KHSRP: variants seen among roughly 807,000 people sequenced by gnomAD.
KHSRP encodes far upstream element-binding protein 2.
KHSRP carries 13 observed loss-of-function variants against 94.9 expected under a neutral mutation model. That is an observed-to-expected ratio of 0.14 (90% CI 0.09 to 0.22). The LOEUF is 0.22. Among genes scored for constraint, KHSRP ranks in the 10% least tolerant of loss-of-function variants. KHSRP has a pLI of 1.00. For synonymous variants in KHSRP, 495 were observed against 401.4 expected (o/e 1.23, Z -2.79); for missense variants, 710 against 1,010.0 (o/e 0.70, Z 4.03).
chr19:6,413,932 G>T lies in KHSRP; in HGVS notation c.*1092C>A. On this transcript the variant is annotated 3_prime_UTR_variant, in exon 19 of 19. Coordinates refer to ENST00000600480, the MANE Select transcript of KHSRP (RefSeq NM_001366299.1). Reference sequence around the variant, plus strand: ...AAAAAGCATGTGAGACACAGAACAGGCGAGAGAGTGAGGGCCCGGCATGCC... The same window carrying T: ...AAAAAGCATGTGAGACACAGAACAGTCGAGAGAGTGAGGGCCCGGCATGCC... The T allele has an allele frequency of 1.4e-6, 1 of 719,456 alleles. No individual in the cohort carries two copies. The highest frequency in any genetic ancestry group is 2.2e-6 in the Non-Finnish European group (1 of 463,644). 44.6% of individuals were successfully genotyped at this position (719,456 alleles called of 1,614,324 possible).
chr19:6,419,130 T>C, intron 7 of KHSRP, 73 bp downstream of exon 7: 22 of 1,451,286 alleles, frequency 1.5e-5, no homozygotes, highest in Non-Finnish European at 2.0e-5. Flanking sequence ...TGCTCCCAAC[T>C]TTCAATTCAA....
intron 2 of KHSRP, 43 bp downstream of exon 2, chr19:6,422,297 C>T (rs773151597): frequency 2.1e-6 from 3 of 1,402,026 alleles, no homozygotes; most frequent in East Asian, 4.6e-5. Context: ...TCTTTAGGCC[C>T]CCAGCCCTTC....
Position 6,418,163 on chromosome 19 carries a change from T to C in KHSRP, c.880-84A>G. 3.2e-6 allele frequency: 4 copies of C among 1,234,476 alleles called. No homozygotes were observed. Among genetic ancestry groups the C allele is most frequent in the Non-Finnish European group, 3.5e-6 (3 of 850,466 alleles). The allele number at this position is 1,234,476 out of a possible 1,614,324, so 76.5% of individuals were successfully genotyped here. On this transcript the variant is annotated intron_variant, in intron 9 of 18. Coordinates refer to ENST00000600480, the MANE Select transcript of KHSRP (RefSeq NM_001366299.1). This position sits in a 1 kb window ranked among gnomAD's most constrained non-coding sequence, Gnocchi z 4.3. ...CCTCCTCGGGGGTGCGGGCCTCAAC[T>C]AAGGACCCACGAACCCTGGGTGAGC...
intron 3 of KHSRP, 78 bp from the exon 4 acceptor site, chr19:6,421,395 G>C: frequency 6.9e-7 from 1 of 1,448,880 alleles, no homozygotes; most frequent in Non-Finnish European, 9.5e-7. Context: ...CGGGTCAGTG[G>C]GAGCTGAGCC....
At position 6,421,285 on chromosome 19, in the gene KHSRP, G is replaced by T. The variant is rs201437798; in HGVS notation, c.418C>A (p.Pro140Thr). 1.3e-3 allele frequency: 2,032 copies of T among 1,588,980 alleles called. 3 individuals are homozygous for T. The highest frequency in any genetic ancestry group is 1.6e-3 in the Non-Finnish European group (1,864 of 1,168,036). The change falls in exon 4 of 19, where the codon CCC becomes ACC. Residue 140 changes from proline to threonine, a missense_variant. Physicochemically the swap from Pro to Thr is conservative, Grantham distance 38 (BLOSUM62 -1). This residue lies in a region of KHSRP where 288 missense variants were observed against 501.1 expected (regional missense o/e 0.57). Coordinates refer to ENST00000600480, the MANE Select transcript of KHSRP (RefSeq NM_001366299.1). ...ISSQLGPIHP[P>T]PRTSMTEEYR... The stretch of plus-strand genomic sequence containing the variant: ...GGCCCCACCATGGCTTACCTTGGGG[G>T]AGGATGGATGGGTCCAAGTTGAGAA...
At chr19:6,417,691 AG>A in intron 11 of KHSRP, 47 bp downstream of exon 11, 1 of 1,529,842 alleles carries the variant, frequency 6.5e-7, no homozygotes, top group South Asian at 1.1e-5. Context: ...TGCCTCCCAA[AG>A]AGGGTGGGGG....
At position 6,418,155 on chromosome 19, in the gene KHSRP, G is replaced by C; in HGVS notation, c.880-76C>G. On this transcript the variant is annotated intron_variant, in intron 9 of 18. Coordinates refer to ENST00000600480, the MANE Select transcript of KHSRP (RefSeq NM_001366299.1). This position sits in a 1 kb window ranked among gnomAD's most constrained non-coding sequence, Gnocchi z 4.3. ...CCCCCCCACCTCCTCGGGGGTGCGG[G>C]CCTCAACTAAGGACCCACGAACCCT... 1 of 1,356,296 alleles carries C rather than the reference G, an allele frequency of 7.4e-7. No individual in the cohort carries two copies. The highest frequency in any genetic ancestry group is 1.2e-5 in the South Asian group (1 of 83,146). The allele number at this position is 1,356,296 out of a possible 1,614,324, so 84.0% of individuals were successfully genotyped here.
chr19:6,419,167 C>A, intron 7 of KHSRP, 36 bp downstream of exon 7: 2 of 1,552,152 alleles, frequency 1.3e-6, no homozygotes, highest in East Asian at 2.4e-5. Context: ...TCTGCCTGCC[C>A]CCCACATCAC....
intron 18 of KHSRP, 28 bp from the exon 19 acceptor site, chr19:6,415,329 G>C: frequency 1.2e-6 from 2 of 1,613,444 alleles, no homozygotes; most frequent in Non-Finnish European, 1.7e-6. Flanking sequence ...CAGGTGAGAG[G>C]CTGTGGGTGA....
chr19:6,415,469 C>T lies in KHSRP; in HGVS notation c.1889-12G>A. 1 of 1,554,500 alleles carries T rather than the reference C, an allele frequency of 6.4e-7. No individual in the cohort carries two copies. The highest frequency in any genetic ancestry group is 8.7e-7 in the Non-Finnish European group (1 of 1,148,952). On this transcript the variant is annotated splice_polypyrimidine_tract_variant and intron_variant, in intron 17 of 18. Transcript: ENST00000600480. ...CTGGGGCTGCTGGCCTGTGCGGGCG[C>T]CGAGACAGGTCAGAAACCACTCCCC...
rs1599233435 is a variant in KHSRP at position 6,413,917 on chromosome 19, T to C, written c.*1107A>G. The C allele has an allele frequency of 3.7e-6, 2 of 542,078 alleles. No homozygotes were observed. The highest frequency in any genetic ancestry group is 6.8e-5 in the East Asian group (2 of 29,294). The allele number at this position is 542,078 out of a possible 1,614,324, so 33.6% of individuals were successfully genotyped here. On this transcript the variant is annotated 3_prime_UTR_variant, in exon 19 of 19. Coordinates refer to ENST00000600480, the MANE Select transcript of KHSRP (RefSeq NM_001366299.1). ...TCCCAATTTTGAAAGAAAAAGCATG[T>C]GAGACACAGAACAGGCGAGAGAGTG...
chr19:6,421,548 C>G, intron 3 of KHSRP, 102 bp downstream of exon 3: 1 of 1,319,008 alleles, frequency 7.6e-7, no homozygotes, highest in Non-Finnish European at 1.1e-6. Flanking sequence ...CACCAGGGGC[C>G]TCTGTAAAGA....
At chr19:6,415,952 G>T in intron 15 of KHSRP, 56 bp from the exon 16 acceptor site, 1 of 1,132,780 alleles carries the variant, frequency 8.8e-7, no homozygotes, top group South Asian at 1.6e-5. Context: ...GCCGCAGCCG[G>T]ACCACCTGGG....
Position 6,419,277 on chromosome 19 carries a change from G to T in KHSRP, c.548-17C>A, listed in dbSNP as rs188930071. The T allele has an allele frequency of 1.3e-4, 197 of 1,546,282 alleles. 1 individual carries two copies. The East Asian group carries it at 3.7e-3, about 29-fold the overall frequency. The stretch of plus-strand genomic sequence containing the variant: ...CACCGCTGTCTGAAAAGAGGAGATA[G>T]AGTCAGTGCCCTCCCTGGCCCACAG... On this transcript the variant is annotated splice_polypyrimidine_tract_variant and intron_variant, in intron 6 of 18. Coordinates refer to ENST00000600480, the MANE Select transcript of KHSRP (RefSeq NM_001366299.1).
In KHSRP at chr19:6,418,454, C is replaced by T. The variant is rs750283273; in HGVS notation, c.879+29G>A. 14 of 1,574,418 alleles carry T rather than the reference C, an allele frequency of 8.9e-6. No homozygotes were observed. In the African/African-American group the frequency reaches 1.9e-4, roughly 21 times the overall value. On this transcript the variant is annotated intron_variant, in intron 9 of 18. Coordinates refer to ENST00000600480, the MANE Select transcript of KHSRP (RefSeq NM_001366299.1). The surrounding 1 kb of genome is among the most constrained non-coding windows in gnomAD (Gnocchi z 4.3). Reference sequence around the variant, plus strand: ...CCCACCTGCCCGTGCCTCTCCAGAACCCCCTCCACCACCCCAGGGCGTGCT... The same window carrying T: ...CCCACCTGCCCGTGCCTCTCCAGAATCCCCTCCACCACCCCAGGGCGTGCT...
In KHSRP at chr19:6,418,143, T is replaced by G. The variant is rs2092166281; in HGVS notation, c.880-64A>C. The G allele has an allele frequency of 1.4e-6, 2 of 1,448,298 alleles. No individual in the cohort carries two copies. Among genetic ancestry groups the G allele is most frequent in the Admixed American group, 3.5e-5 (2 of 56,676 alleles). The allele number at this position is 1,448,298 out of a possible 1,614,324, so 89.7% of individuals were successfully genotyped here. A position where few individuals can be genotyped will look rare whatever the true frequency, so the allele number is the denominator to read the frequency against. ...TGCTGCCCCACACCCCCCCACCTCC[T>G]CGGGGGTGCGGGCCTCAACTAAGGA... On this transcript the variant is annotated intron_variant, in intron 9 of 18. Coordinates refer to ENST00000600480, the MANE Select transcript of KHSRP (RefSeq NM_001366299.1). This position sits in a 1 kb window ranked among gnomAD's most constrained non-coding sequence, Gnocchi z 4.3.
rs2092222482 is a variant in KHSRP at position 6,424,733 on chromosome 19, T to A, written c.-32A>T. On this transcript the variant is annotated 5_prime_UTR_variant, in exon 1 of 19. Transcript: ENST00000600480. ...GCGGGGCCGGGCCTGGCGCGGAGGC[T>A]GAAGCTGAGGAGGCGGCGGCGGCGG... 5.0e-6 allele frequency: 5 copies of A among 995,960 alleles called. No individual in the cohort carries two copies. Among genetic ancestry groups the A allele is most frequent in the Non-Finnish European group, 6.1e-6 (5 of 824,448 alleles). 61.7% of individuals were successfully genotyped at this position (995,960 alleles called of 1,614,324 possible). A position where few individuals can be genotyped will look rare whatever the true frequency, so the allele number is the denominator to read the frequency against.
At chr19:6,417,695 G>GCA in intron 11 of KHSRP, 44 bp downstream of exon 11, 1 of 1,542,344 alleles carries the variant, frequency 6.5e-7, no homozygotes, top group Non-Finnish European at 8.9e-7. Context: ...TCCCAAAGAG[G>GCA]GTGGGGGTGC....
rs752062949 is a variant in KHSRP at position 6,419,211 on chromosome 19, T to C, written c.597A>G (p.Glu199=). 9.5e-5 allele frequency: 151 copies of C among 1,583,802 alleles called. No individual in the cohort carries two copies. The highest frequency in any genetic ancestry group is 3.3e-4 in the Middle Eastern group (2 of 6,052). The change falls in exon 7 of 19, where the codon GAA becomes GAG. Residue 199 remains glutamate, a synonymous_variant. Transcript: ENST00000600480. ...ERSVSLTGAP[E]SVQKAKMMLD... Reference sequence around the variant, plus strand: ...GCCCTGTGGGGACTTACTGGACAGATTCTGGGGCTCCTGTCAAGGACACAC... The same window carrying C: ...GCCCTGTGGGGACTTACTGGACAGACTCTGGGGCTCCTGTCAAGGACACAC...
Sources: allele counts gnomAD v4.1 joint callset, GRCh38; gene constraint gnomAD v4.1.1; regional missense constraint gnomAD v4.1.1; non-coding constraint Gnocchi (gnomAD v3.1); transcripts MANE v1.5; gene names NCBI Gene and HGNC (gene_info 2026-07-23, HGNC 2026-07-21).